Variants in PIK3C3 observed in about 807,000 individuals in gnomAD.
The protein encoded by PIK3C3 is phosphatidylinositol 3-kinase catalytic subunit type 3.
A neutral mutation model predicts 126.1 loss-of-function variants in PIK3C3; 95 were observed. The ratio of observed to expected loss-of-function variants is 0.75; its 90% CI spans 0.64 to 0.89. PIK3C3 has a LOEUF of 0.89. Among genes scored for constraint, PIK3C3 ranks in the 40% least tolerant of loss-of-function variants. The probability of loss-of-function intolerance (pLI) is 0.00; values close to 1 mark genes in which losing one functional copy is unlikely to be tolerated. For missense variants in PIK3C3, 829 were observed against 1,063.2 expected, an observed-to-expected ratio of 0.78 and a Z score of 3.06; for synonymous variants, 374 against 360.0, an observed-to-expected ratio of 1.04 and a Z score of -0.44.
At chr18:41,987,538 T>C (rs1012166187) in intron 4 of PIK3C3, among the ~76,000 whole-genome samples, 1 of 152,092 alleles carries the variant, frequency 6.6e-6, no homozygotes, top group Non-Finnish European at 1.5e-5. Flanking sequence ...ACAAGAAATA[T>C]AGGAACACGG....
At chr18:41,997,683 T>A (rs1454445585) in intron 9 of PIK3C3, among the ~76,000 whole-genome samples, 3 of 152,078 alleles carry the variant, frequency 2.0e-5, no homozygotes, top group African/African-American at 7.2e-5. Flanking sequence ...TTAAATCCCA[T>A]AACAACCCCA....
At chr18:42,050,675 T>C (rs1363246021) in intron 21 of PIK3C3, 1 of 152,238 alleles carries the variant, frequency 6.6e-6, no homozygotes, top group East Asian at 1.9e-4. Flanking sequence ...AAATAGATCA[T>C]GAAGTTACCC....
At chr18:41,969,265 T>C (rs1178782223) in intron 3 of PIK3C3, among the ~76,000 whole-genome samples, 2 of 152,192 alleles carry the variant, frequency 1.3e-5, no homozygotes, top group Non-Finnish European at 2.9e-5. Context: ...AAATAACTTA[T>C]TGAGCTTTGA....
intron 24 of PIK3C3, among the ~76,000 whole-genome samples, chr18:42,079,059 A>G (rs1169534296): frequency 6.6e-6 from 1 of 152,148 alleles, no homozygotes; most frequent in Non-Finnish European, 1.5e-5. Context: ...CTTCAAGAAC[A>G]TTTCTTTGCA....
intron 4 of PIK3C3, among the ~76,000 whole-genome samples, chr18:41,985,576 T>C (rs187154592): frequency 2.0e-5 from 3 of 152,314 alleles, no homozygotes; most frequent in East Asian, 3.9e-4. Flanking sequence ...GTGTGTGTAC[T>C]CTAGTTTACT....
At chr18:42,016,807 G>T (rs187391709) in intron 12 of PIK3C3, among the ~76,000 whole-genome samples, 59 of 152,192 alleles carry the variant, frequency 3.9e-4, no homozygotes, top group Non-Finnish European at 7.2e-4. Flanking sequence ...TATCAGTAGT[G>T]TAGGGCTTGT....
chr18:41,990,211 T>C (rs1981706069), intron 5 of PIK3C3, among the ~76,000 whole-genome samples: 1 of 152,110 alleles, frequency 6.6e-6, no homozygotes, highest in Non-Finnish European at 1.5e-5. Flanking sequence ...AAACCAAAAA[T>C]GTTAAATTTG....
At chr18:42,001,255 C>T (rs183931178) in intron 9 of PIK3C3, among the ~76,000 whole-genome samples, 366 of 152,224 alleles carry the variant, frequency 2.4e-3, no homozygotes, top group Non-Finnish European at 3.9e-3. Context: ...GATACTGTTA[C>T]AAACATTTTA....
intron 12 of PIK3C3, among the ~76,000 whole-genome samples, chr18:42,016,823 A>T (rs908088732): frequency 6.6e-6 from 1 of 152,024 alleles, no homozygotes; most frequent in Non-Finnish European, 1.5e-5. Flanking sequence ...CTTGTAGGCC[A>T]TTAGTCCGAA....
At chr18:42,007,436 G>T (rs1253771321) in intron 10 of PIK3C3, among the ~76,000 whole-genome samples, 1 of 151,828 alleles carries the variant, frequency 6.6e-6, no homozygotes, top group Non-Finnish European at 1.5e-5. Context: ...AACTGCACCA[G>T]AATCTTAAGT....
chr18:42,034,995 G>A (rs946596280), intron 16 of PIK3C3, among the ~76,000 whole-genome samples: 10 of 152,134 alleles, frequency 6.6e-5, no homozygotes, highest in African/African-American at 2.4e-4. Context: ...GGGTGTTATG[G>A]ATGGATAGTT....
At chr18:42,074,875 C>A (rs1985916484) in intron 24 of PIK3C3, among the ~76,000 whole-genome samples, 1 of 152,066 alleles carries the variant, frequency 6.6e-6, no homozygotes, top group Non-Finnish European at 1.5e-5. Flanking sequence ...GACTAGAGAA[C>A]ATGGGATGCT....
At chr18:42,069,322 T>C (rs1985678854) in intron 24 of PIK3C3, among the ~76,000 whole-genome samples, 2 of 152,164 alleles carry the variant, frequency 1.3e-5, no homozygotes, top group South Asian at 2.1e-4. Context: ...GCTCTACATA[T>C]AGCAGAACAG....
intron 24 of PIK3C3, among the ~76,000 whole-genome samples, chr18:42,071,992 T>C (rs1306037277): frequency 6.6e-6 from 1 of 152,200 alleles, no homozygotes; most frequent in Middle Eastern, 3.2e-3. Context: ...ACAAATCTTT[T>C]CAAATAACAA....
At position 42,081,299 on chromosome 18, in the gene PIK3C3, T is replaced by C. The variant is rs957786626; in HGVS notation, c.*162T>C. ...TACATGGTACCTGAGTTCTGCTTCC[T>C]TGGATGTCATTGCTTAAATATAGTC... On this transcript the variant is annotated 3_prime_UTR_variant, in exon 25 of 25. Coordinates refer to ENST00000262039, the MANE Select transcript of PIK3C3 (RefSeq NM_002647.4). 2.0e-6 allele frequency: 1 copy of C among 493,934 alleles called. No homozygotes were observed. The highest frequency in any genetic ancestry group is 3.7e-6 in the Non-Finnish European group (1 of 271,628). The allele number at this position is 493,934 out of a possible 1,614,324, so 30.6% of individuals were successfully genotyped here. A position where few individuals can be genotyped will look rare whatever the true frequency, so the allele number is the denominator to read the frequency against.
At chr18:42,029,514 C>CT in intron 15 of PIK3C3, 73 bp downstream of exon 15, 2 of 424,266 alleles carry the variant, frequency 4.7e-6, no homozygotes, top group South Asian at 6.1e-5. Context: ...TCACTATTGT[C>CT]TTTTTGGGTT....
At chr18:41,962,923 A>AT (rs1980169228) in intron 3 of PIK3C3, among the ~76,000 whole-genome samples, 1 of 152,202 alleles carries the variant, frequency 6.6e-6, no homozygotes, top group Admixed American at 6.5e-5. Flanking sequence ...AAAAGTGACT[A>AT]TGACATATAA....
At chr18:42,027,420 G>A in intron 13 of PIK3C3, 23 bp from the exon 14 acceptor site, 1 of 1,387,904 alleles carries the variant, frequency 7.2e-7, no homozygotes, top group Non-Finnish European at 1.0e-6. Context: ...CACATCACAT[G>A]AATGGCTCAA....
intron 17 of PIK3C3, 44 bp from the exon 18 acceptor site, chr18:42,038,737 C>T (rs1598920328): frequency 3.3e-6 from 4 of 1,204,630 alleles, no homozygotes; most frequent in South Asian, 2.5e-5. Flanking sequence ...TGTCTTTTAA[C>T]AGTCTTTACA....
Sources: gnomAD v4.1 joint callset for allele counts (sites outside exome capture counted in the v4.1 genomes callset) on GRCh38, gnomAD v4.1.1 for gene constraint, MANE v1.5 for transcripts, NCBI Gene and HGNC (gene_info 2026-07-23, HGNC 2026-07-21) for gene names.